The following MSI2 variants were observed in gnomAD, a reference collection of about 807,000 sequenced individuals.
MSI2 encodes musashi RNA binding protein 2, also known as RNA-binding protein Musashi homolog 2.
MSI2 carries 17 observed loss-of-function variants against 45.6 expected under a neutral mutation model. That is an observed-to-expected ratio of 0.37 (90% CI 0.26 to 0.56). The LOEUF (loss-of-function observed/expected upper bound fraction) is 0.56, where lower values mean the gene tolerates loss of function less well. Among genes scored for constraint, MSI2 ranks in the 20% least tolerant of loss-of-function variants. The pLI is 0.77. For missense variants in MSI2, 293 were observed against 444.2 expected, an observed-to-expected ratio of 0.66 and a Z score of 3.06; for synonymous variants, 156 against 158.2, an observed-to-expected ratio of 0.99 and a Z score of 0.11.
At chr17:57,303,846 G>C (rs780825323) in intron 5 of MSI2, among the ~76,000 whole-genome samples, 2 of 152,200 alleles carry the variant, frequency 1.3e-5, no homozygotes, top group Non-Finnish European at 2.9e-5. Context: ...ACAAGGTGTC[G>C]TGTGGTTAAT....
At chr17:57,257,306 C>G (rs1431424009) in intron 2 of MSI2, among the ~76,000 whole-genome samples, 160 bp from the exon 3 acceptor site, 1 of 147,134 alleles carries the variant, frequency 6.8e-6, no homozygotes, top group Non-Finnish European at 1.5e-5. Flanking sequence ...TCTATGCGAC[C>G]TCTGTTGCCG....
At chr17:57,502,664 C>T (rs1323139369) in intron 6 of MSI2, among the ~76,000 whole-genome samples, 1 of 119,870 alleles carries the variant, frequency 8.3e-6, no homozygotes, top group Non-Finnish European at 1.7e-5. Flanking sequence ...GCAGGAAGGT[C>T]TGGGCTCTAG....
At chr17:57,491,424 G>T (rs910597304) in intron 6 of MSI2, among the ~76,000 whole-genome samples, 1 of 152,236 alleles carries the variant, frequency 6.6e-6, no homozygotes, top group African/African-American at 2.4e-5. Flanking sequence ...TAGCTGAGGT[G>T]CTGGAAAGCA....
intron 6 of MSI2, among the ~76,000 whole-genome samples, chr17:57,467,431 A>T (rs2085348745): frequency 6.6e-6 from 1 of 151,994 alleles, no homozygotes; most frequent in Non-Finnish European, 1.5e-5. Flanking sequence ...AGATAGACGA[A>T]TGAAAGGAAT....
rs549646184 is a variant in MSI2, at chr17:57,263,132, G to C, written c.312+940G>C. Among the ~76,000 whole-genome samples the C allele has an allele frequency of 9.2e-5, 14 of 152,294 alleles. No homozygotes were observed. In the South Asian group the frequency reaches 2.9e-3, roughly 32 times the overall value. ...CTTTATGCACAGTCTCCCAGAAGTG[G>C]AACCTTTTAATCGTGTAAAGAGAGG... On this transcript the variant is annotated intron_variant, in intron 5 of 13. Transcript: ENST00000284073.
chr17:57,479,809 C>T (rs906005126), intron 6 of MSI2, among the ~76,000 whole-genome samples: 3 of 152,170 alleles, frequency 2.0e-5, no homozygotes, highest in African/African-American at 7.2e-5. Context: ...CCACATGATC[C>T]ATTTGATCCT....
intron 5 of MSI2, among the ~76,000 whole-genome samples, chr17:57,367,700 G>A (rs1917296218): frequency 1.3e-5 from 2 of 152,302 alleles, no homozygotes; most frequent in South Asian, 4.1e-4. Context: ...TAATTCTCCA[G>A]GGAGAAACCT....
intron 6 of MSI2, among the ~76,000 whole-genome samples, chr17:57,456,380 C>T (rs1427057902): frequency 1.3e-5 from 2 of 152,158 alleles, no homozygotes; most frequent in Admixed American, 6.5e-5. Flanking sequence ...GAGGCCAAGG[C>T]GGGTGGATCA....
chr17:57,572,362 A>G (rs1323689861), intron 7 of MSI2, among the ~76,000 whole-genome samples: 3 of 152,250 alleles, frequency 2.0e-5, no homozygotes, highest in East Asian at 1.9e-4. Context: ...GACTTGCCAT[A>G]GAAGCCTCTG....
At chr17:57,354,507 G>T (rs955573932) in intron 5 of MSI2, among the ~76,000 whole-genome samples, 8 of 152,170 alleles carry the variant, frequency 5.3e-5, no homozygotes, top group Non-Finnish European at 1.2e-4. Context: ...GATTCCAGGT[G>T]GGGGAGGGGT....
In MSI2 at chr17:57,652,135, C is replaced by T. The variant is rs747741239; in HGVS notation, c.764C>T (p.Ala255Val). 5 of 1,613,914 alleles carry T rather than the reference C, an allele frequency of 3.1e-6. No individual in the cohort carries two copies. The highest frequency in any genetic ancestry group is 2.7e-5 in the African/African-American group (2 of 74,892). The change falls in exon 11 of 14, where the codon GCG becomes GTG. Residue 255 changes from alanine to valine, a missense_variant. Transcript: ENST00000284073. The surrounding 1 kb of genome is among the most constrained non-coding windows in gnomAD (Gnocchi z 4.1). ...PAAAYGPVAA[A>V]AVAAARGSGS... is the part of the protein sequence containing the mutation. ...GCGGCTTATGGACCAGTGGCAGCAG[C>T]GGCGGTGGCGGCAGCAAGAGGATCA...
intron 10 of MSI2, among the ~76,000 whole-genome samples, chr17:57,644,434 C>G (rs140648899): frequency 4.6e-5 from 7 of 152,158 alleles, no homozygotes; most frequent in Middle Eastern, 3.4e-3. Context: ...TTTCTCTGCA[C>G]AGAAGTCAGG....
chr17:57,515,329 G>A (rs776770837), intron 6 of MSI2, among the ~76,000 whole-genome samples: 32 of 152,236 alleles, frequency 2.1e-4, no homozygotes, highest in Non-Finnish European at 3.8e-4. Context: ...TCAACATCCC[G>A]AGTAGCTGGG....
chr17:57,313,236 G>C (rs568484667), intron 5 of MSI2, among the ~76,000 whole-genome samples: 42 of 152,278 alleles, frequency 2.8e-4, no homozygotes, highest in Middle Eastern at 3.4e-3. Context: ...GCAAATGTCT[G>C]TCCCTGTAGT....
chr17:57,257,699 C>G, intron 3 of MSI2, 152 bp downstream of exon 3: 1 of 588,500 alleles, frequency 1.7e-6, no homozygotes, highest in Non-Finnish European at 3.0e-6. Context: ...CCCACCGCCC[C>G]CTAGTAACCC....
chr17:57,295,234 T>C (rs1410389792), intron 5 of MSI2, among the ~76,000 whole-genome samples: 2 of 152,140 alleles, frequency 1.3e-5, no homozygotes, highest in Non-Finnish European at 2.9e-5. Flanking sequence ...CTCAGGAGAA[T>C]TAATACGCCT....
chr17:57,490,732 GT>G (rs1191179007), intron 6 of MSI2, among the ~76,000 whole-genome samples: 1 of 152,162 alleles, frequency 6.6e-6, no homozygotes, highest in Non-Finnish European at 1.5e-5. Flanking sequence ...ATGCCCTGAT[GT>G]TTTTTTCTGT....
chr17:57,259,817 T>A (rs1011578576), intron 4 of MSI2, among the ~76,000 whole-genome samples: 2 of 152,246 alleles, frequency 1.3e-5, no homozygotes, highest in Non-Finnish European at 2.9e-5. Context: ...TCTTGCTACC[T>A]GGGTGGGAGA....
At chr17:57,409,306 G>T (rs1308674057) in intron 6 of MSI2, among the ~76,000 whole-genome samples, 2 of 152,124 alleles carry the variant, frequency 1.3e-5, no homozygotes, top group African/African-American at 4.8e-5. Context: ...AAGTTGACCT[G>T]GGTGTACTTG....
Sources: gnomAD v4.1 joint callset for allele counts (sites outside exome capture counted in the v4.1 genomes callset) on GRCh38, gnomAD v4.1.1 for gene constraint, Gnocchi (gnomAD v3.1) non-coding constraint, MANE v1.5 for transcripts, NCBI Gene and HGNC (gene_info 2026-07-23, HGNC 2026-07-21) for gene names.